OLAH: variants seen among roughly 807,000 people sequenced by gnomAD.
OLAH encodes the protein oleoyl-ACP hydrolase.
OLAH carries 33 observed loss-of-function variants against 27.8 expected under a neutral mutation model. That is an observed-to-expected ratio of 1.19 (90% CI 0.90 to 1.59). The LOEUF is 1.59. Among genes scored for constraint, OLAH ranks in the 40% most tolerant of loss-of-function variants. The pLI, the probability that OLAH is intolerant of heterozygous loss-of-function variation, is 0.00. For missense variants in OLAH, 359 were observed against 310.8 expected, an observed-to-expected ratio of 1.16 and a Z score of -1.17; for synonymous variants, 120 against 102.9, an observed-to-expected ratio of 1.17 and a Z score of -1.01.
At chr10:15,033,162 C>T (rs1057028429) in intron 1 of OLAH, among the ~76,000 whole-genome samples, 2 of 152,062 alleles carry the variant, frequency 1.3e-5, no homozygotes, top group Non-Finnish European at 2.9e-5. Context: ...CAGGCCTGAA[C>T]CGCTGCAGCC....
Position 15,051,060 on chromosome 10 carries a change from TTTATTA to T in OLAH, c.163+1310_163+1315del, listed in dbSNP as rs1363953389. ...GTAAATCTGGCTGATTTCAAGACTG[TTTATTA>T]TTATTATTATTATTTTTTTTTTTTT... On this transcript the variant is annotated intron_variant, in intron 3 of 7. Coordinates refer to ENST00000378228, the MANE Select transcript of OLAH (RefSeq NM_001039702.3). Among the ~76,000 whole-genome samples, 88 of 136,518 alleles carry T rather than the reference TTTATTA, an allele frequency of 6.4e-4. 1 individual carries two copies. The East Asian group carries it at 0.012, about 18-fold the overall frequency. The allele number at this position is 136,518 out of a possible 152,430, so 89.6% of individuals were successfully genotyped here.
At chr10:15,037,927 C>T (rs1843866430) in intron 1 of OLAH, among the ~76,000 whole-genome samples, 1 of 152,252 alleles carries the variant, frequency 6.6e-6, no homozygotes, top group South Asian at 2.1e-4. Context: ...AGGAACGCTG[C>T]CTGGATGAAC....
upstream of OLAH, among the ~76,000 whole-genome samples, chr10:15,039,619 T>A (rs1459679445): frequency 6.6e-6 from 1 of 152,182 alleles, no homozygotes; most frequent in Non-Finnish European, 1.5e-5. Context: ...ACTTTTGAGA[T>A]GCTGAACTAG....
intron 2 of OLAH, among the ~76,000 whole-genome samples, chr10:15,048,961 G>C (rs528313008): frequency 2.0e-5 from 3 of 152,152 alleles, no homozygotes; most frequent in Admixed American, 1.3e-4. Flanking sequence ...AAATTAGCTT[G>C]ACATGGTGGC....
chr10:15,043,499 CAG>C (rs1843958890), upstream of OLAH, among the ~76,000 whole-genome samples: 1 of 135,682 alleles, frequency 7.4e-6, no homozygotes, highest in Admixed American at 7.6e-5. Flanking sequence ...TTTTTTCAGA[CAG>C]AGTTTTGCTT....
intron 3 of OLAH, among the ~76,000 whole-genome samples, chr10:15,052,803 C>T (rs1467348738): frequency 5.8e-5 from 8 of 139,098 alleles, no homozygotes; most frequent in East Asian, 2.2e-4. Flanking sequence ...AGTGCAGTGG[C>T]GTGATCTCGG....
intron 6 of OLAH, among the ~76,000 whole-genome samples, chr10:15,070,293 C>A (rs571172872): frequency 6.6e-6 from 1 of 152,162 alleles, no homozygotes; most frequent in South Asian, 2.1e-4. Context: ...CCCTCCGATC[C>A]GTTATCCACA....
At chr10:15,035,022 G>A (rs1170875847) in intron 1 of OLAH, among the ~76,000 whole-genome samples, 1 of 151,984 alleles carries the variant, frequency 6.6e-6, no homozygotes, top group Non-Finnish European at 1.5e-5. Context: ...GGCTGGTCAC[G>A]AACTCCTGAC....
intron 1 of OLAH, among the ~76,000 whole-genome samples, chr10:15,035,258 C>T (rs1843824235): frequency 6.6e-6 from 1 of 152,132 alleles, no homozygotes; most frequent in Non-Finnish European, 1.5e-5. Flanking sequence ...TTCCAAATCC[C>T]GAGGCTGGTG....
At chr10:15,048,462 C>G (rs550336548) in intron 2 of OLAH, among the ~76,000 whole-genome samples, 62 of 152,348 alleles carry the variant, frequency 4.1e-4, no homozygotes, top group African/African-American at 1.4e-3. Flanking sequence ...TAGTGATCTG[C>G]CTCCCTTGGC....
At chr10:15,055,332 C>T (rs1365361386) in intron 3 of OLAH, among the ~76,000 whole-genome samples, 2 of 152,122 alleles carry the variant, frequency 1.3e-5, no homozygotes, top group Non-Finnish European at 2.9e-5. Flanking sequence ...AAAACCACCT[C>T]GTTTGTGTGG....
chr10:15,037,575 C>G (rs1193959190), intron 1 of OLAH, among the ~76,000 whole-genome samples: 2 of 79,396 alleles, frequency 2.5e-5, no homozygotes, highest in African/African-American at 7.8e-5. Flanking sequence ...AGCGAGACTC[C>G]GTATCAAAAA....
chr10:15,037,334 T>G (rs1174566765), intron 1 of OLAH, among the ~76,000 whole-genome samples: 1 of 151,888 alleles, frequency 6.6e-6, no homozygotes, highest in Non-Finnish European at 1.5e-5. Context: ...TAATCCTGGC[T>G]CTTTGGGAGG....
At chr10:15,033,542 A>C (rs2131321367) in intron 1 of OLAH, among the ~76,000 whole-genome samples, 1 of 152,240 alleles carries the variant, frequency 6.6e-6, no homozygotes, top group South Asian at 2.1e-4. Flanking sequence ...GGCAGAGAGA[A>C]GAGGTGATGT....
chr10:15,049,531 T>C, intron 2 of OLAH, 104 bp from the exon 3 acceptor site: 2 of 791,956 alleles, frequency 2.5e-6, no homozygotes, highest in Non-Finnish European at 3.7e-6. Flanking sequence ...TATGAACATA[T>C]GTTTCTTATA....
At chr10:15,069,468 C>T (rs768437899) in intron 6 of OLAH, among the ~76,000 whole-genome samples, 4 of 152,174 alleles carry the variant, frequency 2.6e-5, no homozygotes, top group Non-Finnish European at 4.4e-5. Flanking sequence ...CAGTCTAGTG[C>T]CAGTCCAATT....
At chr10:15,033,450 A>G (rs1843789929) in intron 1 of OLAH, among the ~76,000 whole-genome samples, 1 of 152,140 alleles carries the variant, frequency 6.6e-6, no homozygotes, top group Non-Finnish European at 1.5e-5. Context: ...AGAGAAACAG[A>G]AAGAAGAAGA....
intron 6 of OLAH, among the ~76,000 whole-genome samples, chr10:15,070,833 T>C (rs1032900576): frequency 6.7e-6 from 1 of 148,282 alleles, no homozygotes; most frequent in East Asian, 2.0e-4. Context: ...TTGCTCAGGC[T>C]GGAGTGCAAT....
chr10:15,066,261 T>A (rs796976033), intron 6 of OLAH, among the ~76,000 whole-genome samples: 32 of 150,760 alleles, frequency 2.1e-4, no homozygotes, highest in African/African-American at 7.3e-4. Flanking sequence ...AAAAAAAGTC[T>A]AGCATGTATT....
Sources: gnomAD v4.1 joint callset for allele counts (sites outside exome capture counted in the v4.1 genomes callset) on GRCh38, gnomAD v4.1.1 for gene constraint, MANE v1.5 for transcripts, NCBI Gene and HGNC (gene_info 2026-07-23, HGNC 2026-07-21) for gene names.